Variants in ST8SIA3 observed in about 807,000 individuals in gnomAD.
ST8SIA3 encodes the protein alpha-N-acetylneuraminate alpha-2,8-sialyltransferase ST8SIA3.
ST8SIA3 carries 17 observed loss-of-function variants against 34.5 expected under a neutral mutation model. The ratio of observed to expected loss-of-function variants is 0.49; its 90% confidence interval spans 0.34 to 0.74. ST8SIA3 has a LOEUF of 0.74. ST8SIA3 is among the 30% of genes least tolerant of loss of function. The pLI, the probability that ST8SIA3 is intolerant of heterozygous loss-of-function variation, is 0.01. For missense variants in ST8SIA3, 354 were observed against 467.8 expected, an observed-to-expected ratio of 0.76 and a Z score of 2.24; for synonymous variants, 172 against 176.1, an observed-to-expected ratio of 0.98 and a Z score of 0.19.
chr18:57,353,718 AG>A (rs2049780558), intron 1 of ST8SIA3, among the ~76,000 whole-genome samples: 3 of 152,110 alleles, frequency 2.0e-5, no homozygotes, highest in African/African-American at 7.2e-5. Context: ...CTCCAGGCGC[AG>A]CTTGACGCCG....
chr18:57,365,202 C>A lies in ST8SIA3; in HGVS notation c.*4925C>A, dbSNP rs766750843. The A allele has an allele frequency of 2.0e-5, 3 of 152,140 alleles. No individual in the cohort carries two copies. Among genetic ancestry groups the A allele is most frequent in the Admixed American group, 6.5e-5 (1 of 15,280 alleles). The allele number at this position is 152,140 out of a possible 1,614,324, so 9.4% of individuals were successfully genotyped here. On this transcript the variant is annotated 3_prime_UTR_variant, in exon 4 of 4. Transcript: ENST00000324000. ...ATTCGTGTGACCACCATTTGGAAACCAGTAATATATACATCCGGAGTCATA... is the reference window on the plus strand; with the variant it reads ...ATTCGTGTGACCACCATTTGGAAACAAGTAATATATACATCCGGAGTCATA...
At chr18:57,356,645 C>T (rs1290450152) in intron 2 of ST8SIA3, among the ~76,000 whole-genome samples, 3 of 152,172 alleles carry the variant, frequency 2.0e-5, no homozygotes, top group Admixed American at 6.5e-5. Context: ...ACACTCTTCA[C>T]GTAGAGCAGA....
chr18:57,365,050 G>A lies in ST8SIA3; in HGVS notation c.*4773G>A, dbSNP rs1598905538. 6.6e-6 allele frequency: 1 copy of A among 152,260 alleles called. No homozygotes were observed. The highest frequency in any genetic ancestry group is 2.4e-5 in the African/African-American group (1 of 41,556). The allele number at this position is 152,260 out of a possible 1,614,324, so 9.4% of individuals were successfully genotyped here. A position where few individuals can be genotyped will look rare whatever the true frequency, so the allele number is the denominator to read the frequency against. ...CTGGGGTTAGGACCCGGATTATGCA[G>A]CTGATCTCCCAGCAAACACAGCTGT... On this transcript the variant is annotated 3_prime_UTR_variant, in exon 4 of 4. Coordinates refer to ENST00000324000, the MANE Select transcript of ST8SIA3 (RefSeq NM_015879.3).
rs148842023 is a variant in ST8SIA3, at chr18:57,355,998, T to G, written c.303-915T>G. On this transcript the variant is annotated intron_variant, in intron 2 of 3. Coordinates refer to ENST00000324000, the MANE Select transcript of ST8SIA3 (RefSeq NM_015879.3). ...TGTGCAAAGCATTTCATTTCATTCC[T>G]GCTACATTTAGGCAAAAGTTATAAG... Among the ~76,000 whole-genome samples, 10 of 152,368 alleles carry G rather than the reference T, an allele frequency of 6.6e-5. No homozygotes were observed. The East Asian group carries it at 1.9e-3, about 29-fold the overall frequency.
intron 1 of ST8SIA3, 80 bp downstream of exon 1, chr18:57,353,105 G>A (rs927548347): frequency 3.4e-6 from 5 of 1,488,388 alleles, no homozygotes; most frequent in Non-Finnish European, 4.6e-6. Context: ...TGGGGGAGGG[G>A]TGTTTTGGCC....
rs886836842 is a variant in ST8SIA3, at chr18:57,361,064, CAAAG to C, written c.*792_*795del. 2 of 152,154 alleles carry C rather than the reference CAAAG, an allele frequency of 1.3e-5. No homozygotes were observed. Among genetic ancestry groups the C allele is most frequent in the African/African-American group, 4.8e-5 (2 of 41,424 alleles). The allele number at this position is 152,154 out of a possible 1,614,324, so 9.4% of individuals were successfully genotyped here. On this transcript the variant is annotated 3_prime_UTR_variant, in exon 4 of 4. Coordinates refer to ENST00000324000, the MANE Select transcript of ST8SIA3 (RefSeq NM_015879.3). Reference sequence around the variant, plus strand: ...TAAGGCAGTGCATCTTTCATGATCACAAAGAAAGCCTATGTTGTGGATAGCATTG... The same window carrying C: ...TAAGGCAGTGCATCTTTCATGATCACAAAGCCTATGTTGTGGATAGCATTG...
chr18:57,357,958 T>C (rs931449007), intron 3 of ST8SIA3, among the ~76,000 whole-genome samples: 4 of 152,224 alleles, frequency 2.6e-5, no homozygotes, highest in African/African-American at 9.6e-5. Context: ...AATCTGATAT[T>C]TGAGTGCAAA....
In ST8SIA3 at chr18:57,357,334, A is replaced by G. The variant is rs1456365988; in HGVS notation, c.724A>G (p.Ile242Val). The G allele has an allele frequency of 6.2e-7, 1 of 1,613,582 alleles. No homozygotes were observed. The highest frequency in any genetic ancestry group is 8.5e-7 in the Non-Finnish European group (1 of 1,180,006). ...FLSLKKLDGA[I>V]LWIPAFFFHT... is the part of the protein sequence containing the mutation. ...CAGTTTAAAAAAGCTTGACGGGGCCATTCTTTGGATCCCTGCATTTTTCTT... is the reference window on the plus strand; with the variant it reads ...CAGTTTAAAAAAGCTTGACGGGGCCGTTCTTTGGATCCCTGCATTTTTCTT... The change falls in exon 3 of 4, where the codon ATT becomes GTT. Residue 242 changes from isoleucine to valine, a missense_variant. Around this residue, in one of 3 missense-constraint regions of ST8SIA3, gnomAD observed 166 missense variants for 245.2 expected, o/e 0.68. Coordinates refer to ENST00000324000, the MANE Select transcript of ST8SIA3 (RefSeq NM_015879.3).
In ST8SIA3 at chr18:57,362,856, C is replaced by T. The variant is rs994501499; in HGVS notation, c.*2579C>T. 1 of 152,216 alleles carries T rather than the reference C, an allele frequency of 6.6e-6. No homozygotes were observed. Among genetic ancestry groups the T allele is most frequent in the Non-Finnish European group, 1.5e-5 (1 of 68,040 alleles). 9.4% of individuals were successfully genotyped at this position (152,216 alleles called of 1,614,324 possible). A position where few individuals can be genotyped will look rare whatever the true frequency, so the allele number is the denominator to read the frequency against. ...TGTTTCAAAGATTAAATCTATACAACCACTTTTATGACCAAAAAAGTTGTT... is the reference window on the plus strand; with the variant it reads ...TGTTTCAAAGATTAAATCTATACAATCACTTTTATGACCAAAAAAGTTGTT... On this transcript the variant is annotated 3_prime_UTR_variant, in exon 4 of 4. Coordinates refer to ENST00000324000, the MANE Select transcript of ST8SIA3 (RefSeq NM_015879.3).
In ST8SIA3 at chr18:57,362,021, C is replaced by G. The variant is rs1414515414; in HGVS notation, c.*1744C>G. The stretch of plus-strand genomic sequence containing the variant: ...CTGCCTTATTATTATTTTCAGAAAG[C>G]AATCTAATTAGAGCAACTTGCATAG... On this transcript the variant is annotated 3_prime_UTR_variant, in exon 4 of 4. Transcript: ENST00000324000. 1 of 152,114 alleles carries G rather than the reference C, an allele frequency of 6.6e-6. No homozygotes were observed. The highest frequency in any genetic ancestry group is 6.5e-5 in the Admixed American group (1 of 15,276). The allele number at this position is 152,114 out of a possible 1,614,324, so 9.4% of individuals were successfully genotyped here.
At chr18:57,354,289 C>A (rs907479941) in intron 1 of ST8SIA3, 113 bp from the exon 2 acceptor site, 4 of 1,381,900 alleles carry the variant, frequency 2.9e-6, no homozygotes, top group Non-Finnish European at 4.0e-6. Context: ...CGGGACGGAA[C>A]GGAGCCCGCA....
chr18:57,359,995 G>A lies in ST8SIA3; in HGVS notation c.861G>A (p.Arg287=). Residue 287 remains arginine, a splice_region_variant and synonymous_variant, in exon 4 of 4, where the codon AGG becomes AGA. Transcript: ENST00000324000. ...TCCAAATGTACTTATTGTTCCACAGGTACTGGAAAAACAAACATTTGTCAC... is the reference window on the plus strand; with the variant it reads ...TCCAAATGTACTTATTGTTCCACAGATACTGGAAAAACAAACATTTGTCAC... ...WPGNIMQHVN[R]YWKNKHLSPK... The A allele has an allele frequency of 2.5e-6, 4 of 1,610,654 alleles. No individual in the cohort carries two copies. The highest frequency in any genetic ancestry group is 3.4e-6 in the Non-Finnish European group (4 of 1,177,154).
In ST8SIA3 at chr18:57,362,728, A is replaced by G. The variant is rs996150924; in HGVS notation, c.*2451A>G. Reference sequence around the variant, plus strand: ...TTAGAGATCAGGCTCATCTCTGCTTATAAGGAGGACTTCCTGGAGATGATC... The same window carrying G: ...TTAGAGATCAGGCTCATCTCTGCTTGTAAGGAGGACTTCCTGGAGATGATC... On this transcript the variant is annotated 3_prime_UTR_variant, in exon 4 of 4. Transcript: ENST00000324000. 1 of 152,238 alleles carries G rather than the reference A, an allele frequency of 6.6e-6. No homozygotes were observed. Among genetic ancestry groups the G allele is most frequent in the African/African-American group, 2.4e-5 (1 of 41,456 alleles). 9.4% of individuals were successfully genotyped at this position (152,238 alleles called of 1,614,324 possible).
rs1407218841 is a variant in ST8SIA3 at position 57,365,843 on chromosome 18, C to G, written c.*5566C>G. 1 of 152,170 alleles carries G rather than the reference C, an allele frequency of 6.6e-6. No homozygotes were observed. Among genetic ancestry groups the G allele is most frequent in the Non-Finnish European group, 1.5e-5 (1 of 68,042 alleles). 9.4% of individuals were successfully genotyped at this position (152,170 alleles called of 1,614,324 possible). On this transcript the variant is annotated 3_prime_UTR_variant, in exon 4 of 4. Transcript: ENST00000324000. ...GCTTTGGCCAGACTTCTTTCTATAG[C>G]TGTGCACATAGAAAGGCTTTAGACA...
intron 1 of ST8SIA3, among the ~76,000 whole-genome samples, chr18:57,353,904 GT>G (rs933845411): frequency 6.6e-6 from 1 of 152,224 alleles, no homozygotes; most frequent in African/African-American, 2.4e-5. Context: ...GCCCCCGGGG[GT>G]CCCCAGCCAA....
Position 57,360,500 on chromosome 18 carries a change from G to A in ST8SIA3, c.*223G>A, listed in dbSNP as rs144273949. On this transcript the variant is annotated 3_prime_UTR_variant, in exon 4 of 4. Coordinates refer to ENST00000324000, the MANE Select transcript of ST8SIA3 (RefSeq NM_015879.3). ...TTTAGACTTGATTGATAAAGGGAAT[G>A]TTGCATTTGGGACTATGCTGCTAAC... is the stretch of plus-strand genomic sequence containing the variant. 224 of 543,426 alleles carry A rather than the reference G, an allele frequency of 4.1e-4. No homozygotes were observed. The highest frequency in any genetic ancestry group is 4.0e-3 in the African/African-American group (213 of 53,148). 33.7% of individuals were successfully genotyped at this position (543,426 alleles called of 1,614,324 possible).
intron 1 of ST8SIA3, among the ~76,000 whole-genome samples, chr18:57,353,780 G>A (rs971596748): frequency 4.6e-5 from 7 of 152,192 alleles, no homozygotes; most frequent in Non-Finnish European, 7.3e-5. Flanking sequence ...TCTCCCAGCA[G>A]GGCCTCCTGA....
At chr18:57,356,667 T>C (rs2144201576) in intron 2 of ST8SIA3, among the ~76,000 whole-genome samples, 1 of 152,342 alleles carries the variant, frequency 6.6e-6, no homozygotes, top group African/African-American at 2.4e-5. Context: ...AACCAAGGTA[T>C]GGCAGCTAAA....
intron 3 of ST8SIA3, 91 bp from the exon 4 acceptor site, chr18:57,359,904 C>A (rs756616870): frequency 2.6e-6 from 3 of 1,172,334 alleles, no homozygotes; most frequent in African/African-American, 1.5e-5. Context: ...GTTACAGTAA[C>A]AAATCCACTA....
Sources: gnomAD v4.1 joint callset for allele counts (sites outside exome capture counted in the v4.1 genomes callset) on GRCh38, gnomAD v4.1.1 for gene constraint, gnomAD v4.1.1 regional missense constraint, MANE v1.5 for transcripts, NCBI Gene and HGNC (gene_info 2026-07-23, HGNC 2026-07-21) for gene names.